PCDHGA3: variants seen among roughly 807,000 people sequenced by gnomAD.
PCDHGA3 encodes the protein protocadherin gamma subfamily A, 3, also known as protocadherin gamma-A3.
In PCDHGA3, 40 loss-of-function variants were observed where a neutral mutation model predicts 58.5. That is an observed-to-expected ratio of 0.68 (90% CI 0.53 to 0.89). The LOEUF (loss-of-function observed/expected upper bound fraction) is 0.89, where lower values mean the gene tolerates loss of function less well. Ranked by LOEUF, PCDHGA3 falls within the 40% of genes least tolerant of loss-of-function variation. PCDHGA3 has a pLI of 0.00. For missense variants in PCDHGA3, 1,223 were observed against 1,195.9 expected, an observed-to-expected ratio of 1.02 and a Z score of -0.33; for synonymous variants, 530 against 525.7, an observed-to-expected ratio of 1.01 and a Z score of -0.11.
chr5:141,489,867 G>C lies in PCDHGA3; in HGVS notation c.2425-4940G>C. ...ATCGTGAAGCCCAGGCAAGACATCA[G>C]CTGGTGCTTACTGCTGTGGATGGGG... On this transcript the variant is annotated intron_variant, in intron 1 of 3. Transcript: ENST00000253812. This position sits in a 1 kb window ranked among gnomAD's most constrained non-coding sequence, Gnocchi z 4.5. 1 of 1,614,240 alleles carries C rather than the reference G, an allele frequency of 6.2e-7. No individual in the cohort carries two copies. Among genetic ancestry groups the C allele is most frequent in the Non-Finnish European group, 8.5e-7 (1 of 1,180,034 alleles).
chr5:141,408,295 G>A (rs1185231517), intron 1 of PCDHGA3: 8 of 1,613,700 alleles, frequency 5.0e-6, no homozygotes, highest in East Asian at 2.2e-5. Flanking sequence ...CCCTGAGTGA[G>A]CCGATCCGCT....
chr5:141,382,904 C>T (rs1286843210), intron 1 of PCDHGA3: 3 of 1,543,132 alleles, frequency 1.9e-6, no homozygotes, highest in Non-Finnish European at 1.7e-6. Flanking sequence ...ACGACTATGG[C>T]GGCTCAGCCG....
intron 1 of PCDHGA3, chr5:141,389,406 G>A (rs1235613335): frequency 1.9e-6 from 3 of 1,613,632 alleles, no homozygotes; most frequent in South Asian, 2.2e-5. Flanking sequence ...CATAAGCGCG[G>A]AGAGCGGGGT....
chr5:141,410,420 C>T (rs1426515605), intron 1 of PCDHGA3: 4 of 1,613,926 alleles, frequency 2.5e-6, no homozygotes, highest in Non-Finnish European at 3.4e-6. Flanking sequence ...ACCTGTAGTT[C>T]CCCCCAACTA....
intron 1 of PCDHGA3, chr5:141,414,831 G>C: frequency 4.3e-6 from 7 of 1,614,212 alleles, no homozygotes; most frequent in Non-Finnish European, 5.9e-6. Flanking sequence ...ACGTGTCGTT[G>C]AGCCTGTTTG....
Position 141,476,658 on chromosome 5 carries a change from C to A in PCDHGA3, c.2425-18149C>A, listed in dbSNP as rs182518072. On this transcript the variant is annotated intron_variant, in intron 1 of 3. Transcript: ENST00000253812. The surrounding 1 kb of genome is among the most constrained non-coding windows in gnomAD (Gnocchi z 7.6). ...GAGCTGAGCCGAAATGAATACTTTGCGCTTCGCGTGCAGACGCGGGAGGAC... is the reference window on the plus strand; with the variant it reads ...GAGCTGAGCCGAAATGAATACTTTGAGCTTCGCGTGCAGACGCGGGAGGAC... 2 of 1,614,244 alleles carry A rather than the reference C, an allele frequency of 1.2e-6. No homozygotes were observed. The highest frequency in any genetic ancestry group is 2.2e-5 in the East Asian group (1 of 44,878).
At chr5:141,371,295 C>G (rs1362756223) in intron 1 of PCDHGA3, 3 of 1,613,880 alleles carry the variant, frequency 1.9e-6, no homozygotes, top group Non-Finnish European at 2.5e-6. Context: ...AACGGGGGAA[C>G]TCACCACTAT....
chr5:141,407,659 T>C (rs1443799600), intron 1 of PCDHGA3, among the ~76,000 whole-genome samples: 1 of 152,136 alleles, frequency 6.6e-6, no homozygotes, highest in East Asian at 1.9e-4. Flanking sequence ...GGGAGCGCAG[T>C]ATATATTAAA....
chr5:141,424,294 C>G (rs1260250688), intron 1 of PCDHGA3: 1 of 152,470 alleles, frequency 6.6e-6, no homozygotes, highest in Non-Finnish European at 1.5e-5. Context: ...ATTTCTTCAT[C>G]CTATCAACAC....
At chr5:141,413,980 A>C in intron 1 of PCDHGA3, 12 of 1,613,530 alleles carry the variant, frequency 7.4e-6, no homozygotes, top group Non-Finnish European at 1.0e-5. Flanking sequence ...GCTGACAGTC[A>C]CAGCCACCGA....
intron 1 of PCDHGA3, among the ~76,000 whole-genome samples, chr5:141,386,595 ATT>A (rs373179212): frequency 2.1e-5 from 3 of 146,060 alleles, no homozygotes; most frequent in African/African-American, 7.5e-5. Flanking sequence ...TGGGGGATAC[ATT>A]TTTTTTTTTT....
chr5:141,478,121 G>T lies in PCDHGA3; in HGVS notation c.2425-16686G>T. On this transcript the variant is annotated intron_variant, in intron 1 of 3. Coordinates refer to ENST00000253812, the MANE Select transcript of PCDHGA3 (RefSeq NM_018916.4). ...TACCCTCACTGTGTCAGTAACCGAG[G>T]ACTCTCCTGAAGCCCGAGCCGAGTT... 2.5e-6 allele frequency: 4 copies of T among 1,614,036 alleles called. No individual in the cohort carries two copies. In the African/African-American group the frequency reaches 4.0e-5, roughly 16 times the overall value.
In PCDHGA3 at chr5:141,431,318, G is replaced by T. The variant is rs1309389474; in HGVS notation, c.2425-63489G>T. The T allele has an allele frequency of 6.2e-7, 1 of 1,614,086 alleles. No individual in the cohort carries two copies. Among genetic ancestry groups the T allele is most frequent in the African/African-American group, 1.3e-5 (1 of 75,050 alleles). ...CTCCCTCATCGTGCAAAATGGAGCCGACGGTAGTAAGTACCCCGAATTGGT... is the reference window on the plus strand; with the variant it reads ...CTCCCTCATCGTGCAAAATGGAGCCTACGGTAGTAAGTACCCCGAATTGGT... On this transcript the variant is annotated intron_variant, in intron 1 of 3. Coordinates refer to ENST00000253812, the MANE Select transcript of PCDHGA3 (RefSeq NM_018916.4). The surrounding 1 kb of genome is among the most constrained non-coding windows in gnomAD (Gnocchi z 4.8).
Position 141,344,629 on chromosome 5 carries a change from C to T in PCDHGA3, c.596C>T (p.Ala199Val). The change falls in exon 1 of 4, where the codon GCC (alanine) becomes GTC (valine). Residue 199 changes from alanine (A) to valine (V), a missense_variant. Ala to Val is a moderately conservative substitution (Grantham distance 64). Transcript: ENST00000253812. ...TATCCAGAGCTGGTGCTGGAGCGGG[C>T]CCTGGACCGTGAGAAAAAAGAAATT... is the stretch of plus-strand genomic sequence containing the variant. The part of the protein sequence containing the change: ...AKYPELVLER[A>V]LDREKKEIHQ... The T allele has an allele frequency of 6.2e-7, 1 of 1,613,912 alleles. No individual in the cohort carries two copies. Among genetic ancestry groups the T allele is most frequent in the Non-Finnish European group, 8.5e-7 (1 of 1,179,870 alleles).
intron 1 of PCDHGA3, among the ~76,000 whole-genome samples, chr5:141,449,056 G>A (rs149442150): frequency 6.6e-6 from 1 of 152,068 alleles, no homozygotes; most frequent in African/African-American, 2.4e-5. Flanking sequence ...TCATAAATGA[G>A]CGCTATTGAA....
At chr5:141,378,986 C>T (rs1369970851) in intron 1 of PCDHGA3, 2 of 152,156 alleles carry the variant, frequency 1.3e-5, no homozygotes, top group African/African-American at 4.8e-5. Flanking sequence ...TGTTGAACTA[C>T]ATTATAGTCA....
rs747917835 is a variant in PCDHGA3 at position 141,487,659 on chromosome 5, AT to A, written c.2425-7147del. 3.7e-6 allele frequency: 6 copies of A among 1,613,466 alleles called. No homozygotes were observed. Among genetic ancestry groups the A allele is most frequent in the Non-Finnish European group, 5.1e-6 (6 of 1,179,716 alleles). On this transcript the variant is annotated intron_variant, in intron 1 of 3. Coordinates refer to ENST00000253812, the MANE Select transcript of PCDHGA3 (RefSeq NM_018916.4). This position sits in a 1 kb window ranked among gnomAD's most constrained non-coding sequence, Gnocchi z 5.0. ...CAACAAATGCTTGAGGGTTATTCTGATCCAGGCATATGGCTAGGCCATGTCC... is the reference window on the plus strand; with the variant it reads ...CAACAAATGCTTGAGGGTTATTCTGACCAGGCATATGGCTAGGCCATGTCC...
At chr5:141,413,658 T>G (rs2154544690) in intron 1 of PCDHGA3, 1 of 1,613,860 alleles carries the variant, frequency 6.2e-7, no homozygotes, top group East Asian at 2.2e-5. Flanking sequence ...TCCCGGAAGC[T>G]ATTGATCCGG....
intron 1 of PCDHGA3, chr5:141,389,804 T>G (rs751634687): frequency 2.3e-5 from 37 of 1,613,616 alleles, no homozygotes; most frequent in Non-Finnish European, 3.1e-5. Flanking sequence ...GCCAGCGCCT[T>G]CTGGTCGCCG....
Sources: allele counts gnomAD v4.1 joint callset (sites outside exome capture counted in the v4.1 genomes callset), GRCh38; gene constraint gnomAD v4.1.1; non-coding constraint Gnocchi (gnomAD v3.1); transcripts MANE v1.5; gene names NCBI Gene and HGNC (gene_info 2026-07-23, HGNC 2026-07-21).